The following CHD1L variants were observed in gnomAD, a reference collection of about 807,000 sequenced individuals.
The protein encoded by CHD1L is ATP-dependent chromatin remodeler CHD1L.
In CHD1L, 118 loss-of-function variants were observed where a neutral mutation model predicts 115.9. The observed-to-expected ratio is 1.02, with a 90% confidence interval of 0.88 to 1.19. The LOEUF is 1.19. CHD1L is among the 50% of genes most tolerant of loss of function. The pLI is 0.00. For synonymous variants in CHD1L, 411 were observed against 387.1 expected (o/e 1.06, Z -0.72); for missense variants, 1,179 against 1,065.3 (o/e 1.11, Z -1.49).
intron 3 of CHD1L, 24 bp downstream of exon 3, chr1:147,255,000 TTTTA>T (rs1559750141): frequency 6.7e-7 from 1 of 1,500,220 alleles, no homozygotes; most frequent in Non-Finnish European, 9.0e-7. Context: ...GTAGCTGAAA[TTTTA>T]TTGTTTATCT....
At chr1:147,184,340 T>C in the CHD1L span, 25 of 817,748 alleles carry the variant, frequency 3.1e-5, no homozygotes, top group Middle Eastern at 4.1e-4. This position sits in a 1 kb window ranked among gnomAD's most constrained non-coding sequence, Gnocchi z 4.4. Context: ...GTTGACATTT[T>C]ACATTCCTCT....
the CHD1L span, among the ~76,000 whole-genome samples, chr1:147,233,600 A>G: frequency 6.6e-6 from 1 of 152,212 alleles, no homozygotes; most frequent in Non-Finnish European, 1.5e-5. Flanking sequence ...AGGTGCACCC[A>G]ACATGCTCAT....
chr1:147,203,618 T>A, the CHD1L span: 409 of 1,229,940 alleles, frequency 3.3e-4, no homozygotes, highest in South Asian at 9.6e-5. Context: ...AGCAAACTTC[T>A]TAATAGCGTA....
At chr1:147,209,865 A>G in the CHD1L span, 4 of 152,352 alleles carry the variant, frequency 2.6e-5, no homozygotes, top group Non-Finnish European at 2.9e-5. Flanking sequence ...TTCTTTTGCC[A>G]TTGACATTGT....
the CHD1L span, among the ~76,000 whole-genome samples, chr1:147,233,057 C>T: frequency 2.6e-5 from 4 of 151,918 alleles, no homozygotes; most frequent in African/African-American, 9.7e-5. Flanking sequence ...AAGTGAGGAG[C>T]GTCTCTGCCC....
At chr1:147,214,662 G>A in the CHD1L span, 6 of 151,890 alleles carry the variant, frequency 4.0e-5, no homozygotes, top group African/African-American at 1.5e-4. Flanking sequence ...AAACTTCCCT[G>A]GAACCTGATA....
the CHD1L span, chr1:147,178,332 A>C: frequency 7.9e-5 from 128 of 1,612,440 alleles, no homozygotes; most frequent in Non-Finnish European, 1.1e-5. Flanking sequence ...CAGCTACCAG[A>C]TTAAAAGGAA....
chr1:147,241,462 C>G (rs974356901), upstream of CHD1L, among the ~76,000 whole-genome samples: 2 of 152,146 alleles, frequency 1.3e-5, no homozygotes, highest in Admixed American at 1.3e-4. Context: ...CTACCCAAAT[C>G]TTATAAAACG....
chr1:147,184,291 A>G, the CHD1L span: 2 of 401,976 alleles, frequency 5.0e-6, no homozygotes. The surrounding 1 kb of genome is among the most constrained non-coding windows in gnomAD (Gnocchi z 4.4). Context: ...CAAAAATAGT[A>G]CAGCATTCTC....
chr1:147,231,804 A>G, the CHD1L span, among the ~76,000 whole-genome samples: 9 of 152,204 alleles, frequency 5.9e-5, no homozygotes, highest in East Asian at 1.7e-3. Context: ...GGTGGGAGTG[A>G]CCCAATTTTC....
At chr1:147,174,600 A>G in the CHD1L span, 1 of 152,354 alleles carries the variant, frequency 6.6e-6, no homozygotes, top group Non-Finnish European at 1.5e-5. Flanking sequence ...GTCACTCAAC[A>G]GTTAATAATA....
At chr1:147,266,224 G>A in intron 8 of CHD1L, 137 bp downstream of exon 8, 1 of 800,314 alleles carries the variant, frequency 1.2e-6, no homozygotes, top group Non-Finnish European at 1.9e-6. Context: ...ATTCTGGTCG[G>A]CTACAGTGGG....
intron 1 of CHD1L, among the ~76,000 whole-genome samples, chr1:147,249,081 G>A (rs781801256): frequency 2.6e-5 from 4 of 151,870 alleles, no homozygotes; most frequent in Non-Finnish European, 5.9e-5. Context: ...TTTTTCCAAG[G>A]GCTTCCTTTA....
At chr1:147,202,599 T>G in the CHD1L span, among the ~76,000 whole-genome samples, 6 of 152,188 alleles carry the variant, frequency 3.9e-5, no homozygotes, top group Admixed American at 3.9e-4. Context: ...ATTACAGGCG[T>G]GAGCCACAGC....
chr1:147,263,949 A>G (rs1672921597), intron 6 of CHD1L, among the ~76,000 whole-genome samples: 1 of 152,222 alleles, frequency 6.6e-6, no homozygotes, highest in South Asian at 2.1e-4. Flanking sequence ...TAAATTTTAT[A>G]AAAGGAAAGT....
At chr1:147,284,058 A>C (rs779221869) in intron 15 of CHD1L, among the ~76,000 whole-genome samples, 2 of 152,228 alleles carry the variant, frequency 1.3e-5, no homozygotes, top group Non-Finnish European at 2.9e-5. Context: ...TTGGGAATAA[A>C]TGAATGAGGA....
intron 1 of CHD1L, among the ~76,000 whole-genome samples, chr1:147,250,845 C>G (rs1668184228): frequency 6.6e-6 from 1 of 152,080 alleles, no homozygotes; most frequent in African/African-American, 2.4e-5. Flanking sequence ...CCAACCACAT[C>G]TCACCCTGAA....
chr1:147,283,560 A>G (rs905884266), intron 15 of CHD1L, among the ~76,000 whole-genome samples: 5 of 152,170 alleles, frequency 3.3e-5, no homozygotes, highest in Non-Finnish European at 7.4e-5. Context: ...ATTAATGCCT[A>G]CTTTACTCTT....
chr1:147,186,312 G>A, the CHD1L span: 8 of 982,288 alleles, frequency 8.1e-6, no homozygotes, highest in Non-Finnish European at 9.7e-6. Flanking sequence ...CTAAGGAAAA[G>A]GGCTAAAAAT....
Sources: gnomAD v4.1 joint callset for allele counts (sites outside exome capture counted in the v4.1 genomes callset) on GRCh38, gnomAD v4.1.1 for gene constraint, Gnocchi (gnomAD v3.1) non-coding constraint, MANE v1.5 for transcripts, NCBI Gene and HGNC (gene_info 2026-07-23, HGNC 2026-07-21) for gene names.